The following CYP4F11 variants were observed in gnomAD, a reference collection of about 807,000 sequenced individuals.
The protein encoded by CYP4F11 is cytochrome P450 4F11.
CYP4F11 carries 79 observed loss-of-function variants against 62.2 expected under a neutral mutation model. The ratio of observed to expected loss-of-function variants is 1.27; its 90% confidence interval spans 1.06 to 1.53. The LOEUF is 1.53. Ranked by LOEUF, CYP4F11 falls within the 40% of genes most tolerant of loss-of-function variation. The probability of loss-of-function intolerance (pLI) is 0.00; values close to 1 mark genes in which losing one functional copy is unlikely to be tolerated. For missense variants in CYP4F11, 777 were observed against 680.5 expected (o/e 1.14, Z -1.58); for synonymous variants, 290 against 263.7 (o/e 1.10, Z -0.97).
rs905797286 is a variant in CYP4F11, at chr19:15,931,513, G to C, written c.199-1912C>G. On this transcript the variant is annotated intron_variant, in intron 1 of 11. Coordinates refer to ENST00000402119, the MANE Select transcript of CYP4F11 (RefSeq NM_021187.4). ...GAGGACAGGGAGGTGAGAAAGACTT[G>C]GGATGGCACATCAGAGGAATGAGTG... is the stretch of plus-strand genomic sequence containing the variant. Among the ~76,000 whole-genome samples, 7 of 151,114 alleles carry C rather than the reference G, an allele frequency of 4.6e-5. 1 individual carries two copies. The highest frequency in any genetic ancestry group is 1.7e-4 in the African/African-American group (7 of 40,758).
intron 4 of CYP4F11, 81 bp from the exon 5 acceptor site, chr19:15,924,963 C>A: frequency 2.7e-6 from 4 of 1,465,210 alleles, no homozygotes; most frequent in Non-Finnish European, 3.6e-6. Flanking sequence ...AAGATGGACT[C>A]CCTGCAATCA....
chr19:15,931,601 T>A (rs77264759), intron 1 of CYP4F11, among the ~76,000 whole-genome samples: 5 of 34,188 alleles, frequency 1.5e-4, no homozygotes, highest in Non-Finnish European at 1.7e-4. Context: ...AATGAGTGAG[T>A]GAGGAGAGGA....
At position 15,929,514 on chromosome 19, in the gene CYP4F11, A is replaced by T. The variant is rs761577984; in HGVS notation, c.286T>A (p.Phe96Ile). The T allele has an allele frequency of 6.8e-6, 11 of 1,613,110 alleles. No individual in the cohort carries two copies. Among genetic ancestry groups the T allele is most frequent in the Non-Finnish European group, 8.5e-7 (1 of 1,179,244 alleles). The change falls in exon 2 of 12, where the codon TTC (phenylalanine) becomes ATC (isoleucine). Residue 96 changes from phenylalanine (F) to isoleucine (I), a missense_variant. Transcript: ENST00000402119. ...GGGTGGCATAAAATGAGGAGGGGGA[A>T]GGTAGGACCCAGCCACAACTTAAAG... ...QGFKLWLGPT[F>I]PLLILCHPDI...
In CYP4F11 at chr19:15,919,471, T is replaced by TATAGATGG. The variant is rs1555777248; in HGVS notation, c.1115+2565_1115+2566insCCATCTAT. 3.7e-5 allele frequency among the ~76,000 whole-genome samples: 5 copies of TATAGATGG among 136,588 alleles called. No individual in the cohort carries two copies. In the East Asian group the frequency reaches 1.1e-3, roughly 29 times the overall value. 89.6% of individuals were successfully genotyped at this position (136,588 alleles called of 152,430 possible). On this transcript the variant is annotated intron_variant, in intron 8 of 11. Transcript: ENST00000402119. ...GGATGGATGAACGGATGGACAGATGTATAGATAGATAGATAGATAGATAGA... is the reference window on the plus strand; with the variant it reads ...GGATGGATGAACGGATGGACAGATGTATAGATGGATAGATAGATAGATAGATAGATAGA...
intron 8 of CYP4F11, among the ~76,000 whole-genome samples, chr19:15,919,586 G>A (rs1321670897): frequency 1.3e-5 from 2 of 152,044 alleles, no homozygotes; most frequent in African/African-American, 4.8e-5. Context: ...TTTAGGGAAA[G>A]CGAGGATATT....
chr19:15,924,496 A>T (rs1424245804), intron 5 of CYP4F11, among the ~76,000 whole-genome samples: 1 of 152,092 alleles, frequency 6.6e-6, no homozygotes, highest in Non-Finnish European at 1.5e-5. Flanking sequence ...CATCGGCCCA[A>T]CCCTCTTCAA....
At chr19:15,920,997 C>A (rs906115009) in intron 8 of CYP4F11, among the ~76,000 whole-genome samples, 1 of 151,140 alleles carries the variant, frequency 6.6e-6, no homozygotes, top group African/African-American at 2.4e-5. Context: ...TCCCTCTTTT[C>A]TTTCTCTTCT....
intron 6 of CYP4F11, among the ~76,000 whole-genome samples, chr19:15,922,792 G>A (rs765239569): frequency 6.6e-6 from 1 of 152,166 alleles, no homozygotes; most frequent in African/African-American, 2.4e-5. Flanking sequence ...AATGGCTCAC[G>A]CCTATAATCC....
intron 5 of CYP4F11, 147 bp from the exon 6 acceptor site, chr19:15,924,229 C>A (rs933418230): frequency 1.3e-5 from 13 of 1,029,276 alleles, no homozygotes; most frequent in Non-Finnish European, 1.8e-5. Flanking sequence ...TGAGGCATTC[C>A]ATCTCTGAGA....
intron 2 of CYP4F11, 127 bp downstream of exon 2, chr19:15,929,330 T>C (rs1201863341): frequency 2.4e-6 from 3 of 1,257,612 alleles, no homozygotes; most frequent in Non-Finnish European, 3.4e-6. Context: ...AAGAGGAACA[T>C]GGCTGAGAGA....
At position 15,912,789 on chromosome 19, in the gene CYP4F11, A is replaced by ATATAATAT. The variant is rs10637763; in HGVS notation, c.*942_*943insATATTATA. 4 of 95,816 alleles carry ATATAATAT rather than the reference A, an allele frequency of 4.2e-5. No individual in the cohort carries two copies. The highest frequency in any genetic ancestry group is 2.1e-4 in the Admixed American group (2 of 9,408). 5.9% of individuals were successfully genotyped at this position (95,816 alleles called of 1,614,324 possible). On this transcript the variant is annotated 3_prime_UTR_variant, in exon 12 of 12. Coordinates refer to ENST00000402119, the MANE Select transcript of CYP4F11 (RefSeq NM_021187.4). Reference sequence around the variant, plus strand: ...TGTGTGTGTATATATATATATATATAATATATATATATATATACATATCTT... The same window carrying ATATAATAT: ...TGTGTGTGTATATATATATATATATATATAATATATATATATATATATATACATATCTT...
chr19:15,914,579 G>A, intron 10 of CYP4F11, 23 bp downstream of exon 10: 2 of 1,613,840 alleles, frequency 1.2e-6, no homozygotes, highest in Non-Finnish European at 1.7e-6. Context: ...ACTCCAAAAA[G>A]GGTGGGGTGA....
At chr19:15,924,910 C>G (rs369296312) in intron 4 of CYP4F11, 28 bp from the exon 5 acceptor site, 2 of 1,596,914 alleles carry the variant, frequency 1.3e-6, no homozygotes, top group Non-Finnish European at 1.7e-6. Context: ...AGAGCCAAAG[C>G]TGGGAACTGC....
At chr19:15,927,974 A>C (rs1206668894) in intron 2 of CYP4F11, 1 of 159,842 alleles carries the variant, frequency 6.3e-6, no homozygotes, top group Non-Finnish European at 1.4e-5. Flanking sequence ...TGTGTATCCC[A>C]GTGAAGGGTC....
intron 7 of CYP4F11, 89 bp from the exon 8 acceptor site, chr19:15,922,255 T>G (rs2089635207): frequency 1.9e-6 from 3 of 1,599,064 alleles, no homozygotes; most frequent in African/African-American, 1.3e-5. Context: ...CTCAGGAGAA[T>G]GTAGGGAGGA....
Position 15,912,805 on chromosome 19 carries a change from T to TATATAC in CYP4F11, c.*926_*927insGTATAT, listed in dbSNP as rs1183276800. The stretch of plus-strand genomic sequence containing the variant: ...TATATATATAATATATATATATATA[T>TATATAC]ACATATCTTATATGCACAGCCCTCT... On this transcript the variant is annotated 3_prime_UTR_variant, in exon 12 of 12. Coordinates refer to ENST00000402119, the MANE Select transcript of CYP4F11 (RefSeq NM_021187.4). 1.2e-3 allele frequency: 126 copies of TATATAC among 101,182 alleles called. 3 individuals are homozygous for TATATAC. The highest frequency in any genetic ancestry group is 5.9e-3 in the Middle Eastern group (1 of 170). The allele number at this position is 101,182 out of a possible 1,614,324, so 6.3% of individuals were successfully genotyped here. A position where few individuals can be genotyped will look rare whatever the true frequency, so the allele number is the denominator to read the frequency against.
At chr19:15,925,943 T>A (rs1346604405) in intron 4 of CYP4F11, among the ~76,000 whole-genome samples, 2 of 151,674 alleles carry the variant, frequency 1.3e-5, no homozygotes, top group East Asian at 3.9e-4. Flanking sequence ...GGCAGGTGGA[T>A]CGTGAGGTCA....
At chr19:15,928,302 G>A (rs2089685398) in intron 2 of CYP4F11, among the ~76,000 whole-genome samples, 1 of 152,274 alleles carries the variant, frequency 6.6e-6, no homozygotes, top group East Asian at 1.9e-4. Context: ...ATGATCCCAG[G>A]TGGAAGCATA....
chr19:15,916,727 C>T (rs1419640845), intron 8 of CYP4F11, among the ~76,000 whole-genome samples: 1 of 151,570 alleles, frequency 6.6e-6, no homozygotes, highest in African/African-American at 2.4e-5. Context: ...AGTGAGATAC[C>T]CCCTACTTCT....
Sources: gnomAD v4.1 joint callset for allele counts (sites outside exome capture counted in the v4.1 genomes callset) on GRCh38, gnomAD v4.1.1 for gene constraint, MANE v1.5 for transcripts, NCBI Gene and HGNC (gene_info 2026-07-23, HGNC 2026-07-21) for gene names.